The following THRB variants were observed in gnomAD, a reference collection of about 807,000 sequenced individuals.
THRB encodes the protein nuclear receptor subfamily 1 group A member 2.
Under a neutral mutation model 47.8 loss-of-function variants are expected in THRB, and 12 were observed. That is an observed-to-expected ratio of 0.25 (90% CI 0.16 to 0.41). The LOEUF is 0.41. Ranked by LOEUF, THRB falls within the 10% of genes least tolerant of loss-of-function variation. THRB has a pLI of 1.00. For missense variants in THRB, 348 were observed against 589.2 expected (o/e 0.59, Z 4.24); for synonymous variants, 218 against 212.2 (o/e 1.03, Z -0.24).
chr3:24,192,406 C>G (rs1046647482), intron 4 of THRB, among the ~76,000 whole-genome samples: 4 of 152,130 alleles, frequency 2.6e-5, no homozygotes, highest in Admixed American at 2.6e-4. Context: ...TTCAGATACT[C>G]TAAATCCTCA....
Position 24,254,129 on chromosome 3 carries a change from C to T in THRB, c.-42-25128G>A, listed in dbSNP as rs140375095. On this transcript the variant is annotated intron_variant, in intron 3 of 10. Transcript: ENST00000646209. ...CTGTAATCCCAGCACTTTGGGAGGC[C>T]GAGACAGGTGGATCACGAGGTCAGG... Among the ~76,000 whole-genome samples the T allele has an allele frequency of 2.9e-3, 416 of 143,908 alleles. 11 individuals carry two copies. Among genetic ancestry groups the T allele is most frequent in the East Asian group, 0.027 (132 of 4,842 alleles). 94.4% of individuals were successfully genotyped at this position (143,908 alleles called of 152,430 possible).
At chr3:24,195,881 A>G (rs919430307) in intron 4 of THRB, among the ~76,000 whole-genome samples, 2 of 151,976 alleles carry the variant, frequency 1.3e-5, no homozygotes, top group Non-Finnish European at 2.9e-5. Flanking sequence ...CAGCTCTCCA[A>G]CCATTTTCTC....
At chr3:24,323,381 T>C (rs572218995) in intron 2 of THRB, among the ~76,000 whole-genome samples, 293 of 152,334 alleles carry the variant, frequency 1.9e-3, no homozygotes, top group African/African-American at 6.8e-3. Flanking sequence ...ACAACCATCA[T>C]ACAATACATC....
intron 1 of THRB, among the ~76,000 whole-genome samples, chr3:24,467,204 T>G (rs1445097867): frequency 6.6e-6 from 1 of 152,240 alleles, no homozygotes; most frequent in Non-Finnish European, 1.5e-5. Flanking sequence ...AGTTTTATTA[T>G]GAGATTGCAG....
intron 5 of THRB, among the ~76,000 whole-genome samples, chr3:24,157,711 T>G (rs1003761396): frequency 6.6e-5 from 10 of 152,054 alleles, no homozygotes; most frequent in Non-Finnish European, 1.2e-4. Flanking sequence ...TGAAGTTGTT[T>G]CGTAGAGATG....
At chr3:24,426,339 T>A (rs1019563965) in intron 1 of THRB, among the ~76,000 whole-genome samples, 6 of 151,972 alleles carry the variant, frequency 3.9e-5, no homozygotes, top group African/African-American at 1.4e-4. Context: ...GGTAGTTATA[T>A]AAAATTGGGT....
intron 7 of THRB, among the ~76,000 whole-genome samples, chr3:24,146,043 CCAT>C (rs752543746): frequency 8.5e-5 from 13 of 152,134 alleles, no homozygotes; most frequent in Non-Finnish European, 2.9e-5. Context: ...AATCTCGCCA[CCAT>C]ATGCTGTAGC....
At chr3:24,367,606 C>A (rs1388092556) in intron 1 of THRB, among the ~76,000 whole-genome samples, 5 of 152,026 alleles carry the variant, frequency 3.3e-5, no homozygotes, top group African/African-American at 1.2e-4. Flanking sequence ...TTCCTGTTTT[C>A]AAAAATGGAA....
rs746262104 is a variant in THRB at position 24,190,354 on chromosome 3, G to T, written c.23-20C>A. 11 of 1,613,834 alleles carry T rather than the reference G, an allele frequency of 6.8e-6. No homozygotes were observed. Among genetic ancestry groups the T allele is most frequent in the Non-Finnish European group, 9.3e-6 (11 of 1,179,890 alleles). On this transcript the variant is annotated intron_variant, in intron 4 of 10. Coordinates refer to ENST00000646209, the MANE Select transcript of THRB (RefSeq NM_001354712.2). ...CATTTTCTAAAGGGTTGAAAAACAC[G>T]AGATGACGAGCTGTTGGCATTGTCA...
intron 8 of THRB, among the ~76,000 whole-genome samples, chr3:24,135,310 A>G (rs2034481593): frequency 6.6e-6 from 1 of 152,250 alleles, no homozygotes; most frequent in Non-Finnish European, 1.5e-5. Flanking sequence ...TCATGCTTAC[A>G]GCCTCAGGGG....
chr3:24,215,253 AG>A (rs1260247316), intron 4 of THRB, among the ~76,000 whole-genome samples: 2 of 152,234 alleles, frequency 1.3e-5, no homozygotes, highest in Non-Finnish European at 2.9e-5. Flanking sequence ...GTAGGCTCTC[AG>A]TAAGTGTTTA....
chr3:24,165,127 G>A (rs2039465965), intron 5 of THRB: 3 of 765,134 alleles, frequency 3.9e-6, no homozygotes, highest in Non-Finnish European at 7.2e-6. Context: ...CCATGTCCAA[G>A]TCAGAGTCCT....
At chr3:24,308,894 T>A (rs1459505106) in intron 2 of THRB, among the ~76,000 whole-genome samples, 4 of 152,206 alleles carry the variant, frequency 2.6e-5, no homozygotes, top group Non-Finnish European at 1.5e-5. Flanking sequence ...AGTTCTAGAA[T>A]CTTTCTTCCT....
chr3:24,204,196 G>A (rs1176564020), intron 4 of THRB, among the ~76,000 whole-genome samples: 2 of 152,246 alleles, frequency 1.3e-5, no homozygotes, highest in South Asian at 2.1e-4. Flanking sequence ...AAAACAGACA[G>A]ACTGCCTCCT....
rs200856785 is a variant in THRB at position 24,185,021 on chromosome 3, T to C, written c.283+5053A>G. Among the ~76,000 whole-genome samples, 11 of 152,358 alleles carry C rather than the reference T, an allele frequency of 7.2e-5. No homozygotes were observed. The East Asian group carries it at 2.1e-3, about 29-fold the overall frequency. On this transcript the variant is annotated intron_variant, in intron 5 of 10. Coordinates refer to ENST00000646209, the MANE Select transcript of THRB (RefSeq NM_001354712.2). Reference sequence around the variant, plus strand: ...TAAGACACTTTGTTATTTTGGTAAATGAGAATGGCACATCATTTGAAATTG... The same window carrying C: ...TAAGACACTTTGTTATTTTGGTAAACGAGAATGGCACATCATTTGAAATTG...
Position 24,122,510 on chromosome 3 carries a change from G to A in THRB, c.*374C>T, listed in dbSNP as rs1016574178. On this transcript the variant is annotated 3_prime_UTR_variant, in exon 11 of 11. Transcript: ENST00000646209. ...CTGCGAACATCAGGATTGGGTGGAGGTGGTCGTATTATCTTGGTTTTAAGG... is the reference window on the plus strand; with the variant it reads ...CTGCGAACATCAGGATTGGGTGGAGATGGTCGTATTATCTTGGTTTTAAGG... The A allele has an allele frequency of 9.0e-6, 3 of 332,650 alleles. No individual in the cohort carries two copies. The highest frequency in any genetic ancestry group is 1.7e-5 in the Non-Finnish European group (3 of 171,822). The allele number at this position is 332,650 out of a possible 1,614,324, so 20.6% of individuals were successfully genotyped here.
intron 3 of THRB, among the ~76,000 whole-genome samples, chr3:24,274,904 A>T (rs2053746446): frequency 6.6e-6 from 1 of 152,114 alleles, no homozygotes; most frequent in Non-Finnish European, 1.5e-5. Flanking sequence ...GTTGTGTTTT[A>T]TGAGCTTTGT....
intron 5 of THRB, among the ~76,000 whole-genome samples, chr3:24,166,740 T>C (rs1194575894): frequency 6.6e-6 from 1 of 152,162 alleles, no homozygotes. Context: ...ACGTTTACAT[T>C]TGGCTTCCTG....
At chr3:24,351,524 T>C (rs1240154125) in intron 1 of THRB, among the ~76,000 whole-genome samples, 1 of 152,164 alleles carries the variant, frequency 6.6e-6, no homozygotes, top group Non-Finnish European at 1.5e-5. Flanking sequence ...TTTTGTTAAT[T>C]TGGCCTAAAC....
Sources: gnomAD v4.1 joint callset for allele counts (sites outside exome capture counted in the v4.1 genomes callset) on GRCh38, gnomAD v4.1.1 for gene constraint, MANE v1.5 for transcripts, NCBI Gene and HGNC (gene_info 2026-07-23, HGNC 2026-07-21) for gene names.